THOP1: variants seen among roughly 807,000 people sequenced by gnomAD.
THOP1 encodes the protein thimet oligopeptidase.
Under a neutral mutation model 71.8 loss-of-function variants are expected in THOP1, and 49 were observed. The observed-to-expected ratio is 0.68, with a 90% CI of 0.54 to 0.87. The LOEUF is 0.87. Among genes scored for constraint, THOP1 ranks in the 40% least tolerant of loss-of-function variants. The pLI, the probability that THOP1 is intolerant of heterozygous loss-of-function variation, is 0.00. For synonymous variants in THOP1, 426 were observed against 421.5 expected, an observed-to-expected ratio of 1.01 and a Z score of -0.13; for missense variants, 843 against 975.6, an observed-to-expected ratio of 0.86 and a Z score of 1.81.
In THOP1 at chr19:2,805,197, G is replaced by T. The variant is rs1599528793; in HGVS notation, c.750+21G>T. 1.9e-6 allele frequency: 3 copies of T among 1,603,634 alleles called. No homozygotes were observed. Among genetic ancestry groups the T allele is most frequent in the Non-Finnish European group, 2.6e-6 (3 of 1,175,270 alleles). On this transcript the variant is annotated intron_variant, in intron 6 of 12. Transcript: ENST00000307741. The surrounding 1 kb of genome is among the most constrained non-coding windows in gnomAD (Gnocchi z 6.6). ...AGGAGGTGAGAAGGCACGGCCAGGG[G>T]GCCCCAGAACAGTGGGTCTGGAGCT... is the stretch of plus-strand genomic sequence containing the variant.
Position 2,796,187 on chromosome 19 carries a change from A to C in THOP1, c.485A>C (p.Glu162Ala). 1 of 1,610,426 alleles carries C rather than the reference A, an allele frequency of 6.2e-7. No individual in the cohort carries two copies. The highest frequency in any genetic ancestry group is 8.5e-7 in the Non-Finnish European group (1 of 1,177,544). ...CTTCACCTCCCCAGAGAGACTCAGGAAGTGAGTGCTGGGTGTAGGGAGTGC... is the reference window on the plus strand; with the variant it reads ...CTTCACCTCCCCAGAGAGACTCAGGCAGTGAGTGCTGGGTGTAGGGAGTGC... ...NGLHLPRETQ[E>A]NIKRIKKKLS... is the part of the protein sequence containing the mutation. Residue 162 changes from glutamate to alanine, a missense_variant and splice_region_variant, in exon 4 of 13, where the codon GAA becomes GCA. Physicochemically the swap from Glu to Ala is moderately radical, Grantham distance 107. Transcript: ENST00000307741.
intron 9 of THOP1, among the ~76,000 whole-genome samples, chr19:2,808,940 C>T (rs1916385171): frequency 6.6e-6 from 1 of 152,220 alleles, no homozygotes; most frequent in African/African-American, 2.4e-5. Context: ...CGCCTGTAAT[C>T]CCAGCACTTT....
rs1482809259 is a variant in THOP1 at position 2,796,062 on chromosome 19, T to G, written c.379-19T>G. On this transcript the variant is annotated intron_variant, in intron 3 of 12. Coordinates refer to ENST00000307741, the MANE Select transcript of THOP1 (RefSeq NM_003249.5). Reference sequence around the variant, plus strand: ...CTGCACTGGCCCACGTCCTACATGCTTTGATGTTTTTATTCCAGGAGAAAG... The same window carrying G: ...CTGCACTGGCCCACGTCCTACATGCGTTGATGTTTTTATTCCAGGAGAAAG... 1 of 1,605,748 alleles carries G rather than the reference T, an allele frequency of 6.2e-7. No individual in the cohort carries two copies. The highest frequency in any genetic ancestry group is 8.5e-7 in the Non-Finnish European group (1 of 1,173,004).
intron 8 of THOP1, 152 bp from the exon 9 acceptor site, chr19:2,808,091 T>A: frequency 1.0e-6 from 1 of 959,170 alleles, no homozygotes; most frequent in Non-Finnish European, 1.5e-6. Context: ...CATGCTGCCC[T>A]GCGCCAAGCC....
In THOP1 at chr19:2,785,540, C is replaced by T. The variant is rs1304990168; in HGVS notation, c.-123C>T. ...GAGCGCGGGCGGCGGGCCCCTTGGT[C>T]CTCAGGCGGCCGTGGCGGCGGTGGC... On this transcript the variant is annotated 5_prime_UTR_variant, in exon 1 of 13. Transcript: ENST00000307741. 19 of 1,218,234 alleles carry T rather than the reference C, an allele frequency of 1.6e-5. No homozygotes were observed. In the East Asian group the frequency reaches 2.8e-4, roughly 18 times the overall value. The allele number at this position is 1,218,234 out of a possible 1,614,324, so 75.5% of individuals were successfully genotyped here.
chr19:2,789,628 C>T (rs752492230), intron 1 of THOP1, among the ~76,000 whole-genome samples: 2 of 152,208 alleles, frequency 1.3e-5, no homozygotes, highest in Non-Finnish European at 2.9e-5. Flanking sequence ...GATACCTCAC[C>T]TTTCCCCTCT....
At chr19:2,796,572 G>T (rs1336802731) in intron 4 of THOP1, among the ~76,000 whole-genome samples, 1 of 148,916 alleles carries the variant, frequency 6.7e-6, no homozygotes, top group African/African-American at 2.5e-5. Flanking sequence ...TGTGGGGAGT[G>T]CTCAGTCTGG....
chr19:2,807,106 C>A, intron 7 of THOP1, 54 bp downstream of exon 7: 2 of 1,560,032 alleles, frequency 1.3e-6, no homozygotes, highest in South Asian at 2.4e-5. Context: ...TTCTCAGGGT[C>A]ACCCCAGGGG....
At chr19:2,812,584 C>G (rs1021182814) in intron 12 of THOP1, among the ~76,000 whole-genome samples, 1 of 152,188 alleles carries the variant, frequency 6.6e-6, no homozygotes, top group African/African-American at 2.4e-5. Context: ...GAGGTGGAGT[C>G]CCCCGGGTGG....
At chr19:2,811,501 C>T (rs183466396) in intron 11 of THOP1, 97 bp from the exon 12 acceptor site, 109 of 1,475,930 alleles carry the variant, frequency 7.4e-5, no homozygotes, top group Admixed American at 1.7e-4. Flanking sequence ...CTCCCTGTTC[C>T]GGGCAGGGGT....
chr19:2,790,604 C>T lies in THOP1; in HGVS notation c.200C>T (p.Ala67Val), dbSNP rs374219260. The change falls in exon 2 of 13, where the codon GCG becomes GTG. Residue 67 changes from alanine (A) to valine (V), a missense_variant. Coordinates refer to ENST00000307741, the MANE Select transcript of THOP1 (RefSeq NM_003249.5). ...EDVSYESTLKALADVEVTYTV... is the reference protein window; with the variant it reads ...EDVSYESTLKVLADVEVTYTV... ...GTGTCCTACGAGAGCACGCTCAAGG[C>T]GCTGGCCGATGTGGAGGTCACCTAC... is the stretch of plus-strand genomic sequence containing the variant. 1.3e-6 allele frequency: 2 copies of T among 1,583,498 alleles called. No individual in the cohort carries two copies. The highest frequency in any genetic ancestry group is 1.7e-6 in the Non-Finnish European group (2 of 1,166,188).
rs1259511038 is a variant in THOP1, at chr19:2,794,773, A to G, written c.239A>G (p.Asn80Ser). ...GTCTCCCCTGTTTTAGTTCAGAGGAATATCCTTGACTTCCCCCAGCATGTT... is the reference window on the plus strand; with the variant it reads ...GTCTCCCCTGTTTTAGTTCAGAGGAGTATCCTTGACTTCCCCCAGCATGTT... ...DVEVTYTVQR[N>S]ILDFPQHVSP... The change falls in exon 3 of 13, where the codon AAT becomes AGT. Residue 80 changes from asparagine to serine, a missense_variant. Coordinates refer to ENST00000307741, the MANE Select transcript of THOP1 (RefSeq NM_003249.5). 1 of 1,613,078 alleles carries G rather than the reference A, an allele frequency of 6.2e-7. No individual in the cohort carries two copies. Among genetic ancestry groups the G allele is most frequent in the Admixed American group, 1.7e-5 (1 of 59,974 alleles).
chr19:2,810,193 C>T, intron 9 of THOP1, 111 bp from the exon 10 acceptor site: 1 of 1,352,012 alleles, frequency 7.4e-7, no homozygotes, highest in African/African-American at 1.4e-5. Context: ...GGGCCCAGCG[C>T]ATCACCTGTG....
chr19:2,795,627 G>A (rs146099770), intron 3 of THOP1, among the ~76,000 whole-genome samples: 33 of 152,258 alleles, frequency 2.2e-4, no homozygotes, highest in African/African-American at 6.7e-4. Flanking sequence ...CGTTGCCCAC[G>A]CTTGTCTCGA....
intron 5 of THOP1, among the ~76,000 whole-genome samples, chr19:2,803,771 G>A (rs374610215): frequency 3.6e-4 from 55 of 152,196 alleles, no homozygotes; most frequent in African/African-American, 1.2e-3. Flanking sequence ...GGGCTCTGCC[G>A]GCCACAGGAC....
At position 2,785,659 on chromosome 19, in the gene THOP1, C is replaced by A. The variant is rs1323099067; in HGVS notation, c.-4C>A. ...AGGGAGCCGCAGGCGCAGACCCACC[C>A]GCCATGAAGCCCCCCGCAGGTACCG... On this transcript the variant is annotated 5_prime_UTR_variant, in exon 1 of 13. Coordinates refer to ENST00000307741, the MANE Select transcript of THOP1 (RefSeq NM_003249.5). 6.7e-6 allele frequency: 10 copies of A among 1,495,818 alleles called. No individual in the cohort carries two copies. Among genetic ancestry groups the A allele is most frequent in the Middle Eastern group, 1.8e-4 (1 of 5,678 alleles). The allele number at this position is 1,495,818 out of a possible 1,614,324, so 92.7% of individuals were successfully genotyped here.
At position 2,813,451 on chromosome 19, in the gene THOP1, G is replaced by T. The variant is rs1182990303; in HGVS notation, c.*175G>T. Reference sequence around the variant, plus strand: ...CACCCGGTCGTGGCCCACCCGGCTAGAGACGGCGTCCTCAAGGCATCTGGA... The same window carrying T: ...CACCCGGTCGTGGCCCACCCGGCTATAGACGGCGTCCTCAAGGCATCTGGA... On this transcript the variant is annotated 3_prime_UTR_variant, in exon 13 of 13. Coordinates refer to ENST00000307741, the MANE Select transcript of THOP1 (RefSeq NM_003249.5). 1 of 808,852 alleles carries T rather than the reference G, an allele frequency of 1.2e-6. No individual in the cohort carries two copies. Among genetic ancestry groups the T allele is most frequent in the South Asian group, 2.1e-5 (1 of 48,300 alleles). The allele number at this position is 808,852 out of a possible 1,614,324, so 50.1% of individuals were successfully genotyped here.
At chr19:2,786,101 TG>T (rs59654894) in intron 1 of THOP1, among the ~76,000 whole-genome samples, 7,074 of 145,240 alleles carry the variant, frequency 0.049, 205 homozygotes, top group African/African-American at 0.088. Context: ...AGAGAGAGGG[TG>T]GTTCCTGGGG....
intron 1 of THOP1, among the ~76,000 whole-genome samples, chr19:2,787,809 G>C (rs1437674495): frequency 6.6e-6 from 1 of 152,146 alleles, no homozygotes; most frequent in Non-Finnish European, 1.5e-5. Flanking sequence ...GATGGAGGCC[G>C]GGGACGCTGC....
Sources: allele counts gnomAD v4.1 joint callset (sites outside exome capture counted in the v4.1 genomes callset), GRCh38; gene constraint gnomAD v4.1.1; non-coding constraint Gnocchi (gnomAD v3.1); transcripts MANE v1.5; gene names NCBI Gene and HGNC (gene_info 2026-07-23, HGNC 2026-07-21).